Variants in GTSE1 observed in about 807,000 individuals in gnomAD.
GTSE1 encodes the protein G2 and S phase-expressed protein 1.
In GTSE1, 52 loss-of-function variants were observed where a neutral mutation model predicts 60.5. That is an observed-to-expected ratio of 0.86 (90% confidence interval 0.69 to 1.08). The LOEUF (loss-of-function observed/expected upper bound fraction) is 1.08, where lower values mean the gene tolerates loss of function less well. GTSE1 is among the 50% of genes least tolerant of loss of function. The pLI, the probability that GTSE1 is intolerant of heterozygous loss-of-function variation, is 0.00. For missense variants in GTSE1, 937 were observed against 961.8 expected, an observed-to-expected ratio of 0.97 and a Z score of 0.34; for synonymous variants, 368 against 386.5, an observed-to-expected ratio of 0.95 and a Z score of 0.56.
At chr22:46,308,055 C>T (rs531882729) in intron 2 of GTSE1, 95 bp from the exon 3 acceptor site, 12 of 838,784 alleles carry the variant, frequency 1.4e-5, no homozygotes, top group Middle Eastern at 5.2e-4. Context: ...TGAAATTTCA[C>T]AGTACCTTTA....
intron 2 of GTSE1, among the ~76,000 whole-genome samples, chr22:46,300,591 G>A (rs1341878823): frequency 6.6e-6 from 1 of 152,150 alleles, no homozygotes; most frequent in Non-Finnish European, 1.5e-5. Flanking sequence ...ACCTCTACAT[G>A]TCTCTCACCG....
At chr22:46,328,646 AT>A in intron 9 of GTSE1, 41 bp from the exon 10 acceptor site, 1 of 1,491,034 alleles carries the variant, frequency 6.7e-7, no homozygotes, top group Admixed American at 1.7e-5. Flanking sequence ...GTGAACGAGC[AT>A]TTTAGAGACA....
intron 4 of GTSE1, among the ~76,000 whole-genome samples, chr22:46,311,327 C>T (rs1158180488): frequency 2.6e-5 from 4 of 152,188 alleles, no homozygotes; most frequent in East Asian, 1.9e-4. Flanking sequence ...ATCTGCCCGC[C>T]TCGGCCTCAC....
At chr22:46,302,314 T>C (rs919927142) in intron 2 of GTSE1, among the ~76,000 whole-genome samples, 3 of 152,114 alleles carry the variant, frequency 2.0e-5, no homozygotes, top group Non-Finnish European at 4.4e-5. Flanking sequence ...GTTTAACTTA[T>C]TGTGATTTTT....
intron 2 of GTSE1, among the ~76,000 whole-genome samples, chr22:46,300,788 A>G (rs2077685199): frequency 6.6e-6 from 1 of 152,172 alleles, no homozygotes; most frequent in African/African-American, 2.4e-5. Flanking sequence ...CTGGTCCTGG[A>G]TTCTTTTTCC....
chr22:46,318,855 C>T lies in GTSE1; in HGVS notation c.1432+2443C>T, dbSNP rs1050148298. On this transcript the variant is annotated intron_variant, in intron 7 of 11. Coordinates refer to ENST00000454366, the MANE Select transcript of GTSE1 (RefSeq NM_016426.7). This position sits in a 1 kb window ranked among gnomAD's most constrained non-coding sequence, Gnocchi z 4.8. Reference sequence around the variant, plus strand: ...CCAGGCTTACTCCATCCTGTGCTGCCGTGATGAGCTTCTCATCCTCATGGT... The same window carrying T: ...CCAGGCTTACTCCATCCTGTGCTGCTGTGATGAGCTTCTCATCCTCATGGT... 1.3e-5 allele frequency among the ~76,000 whole-genome samples: 2 copies of T among 152,132 alleles called. No individual in the cohort carries two copies. The highest frequency in any genetic ancestry group is 2.4e-5 in the African/African-American group (1 of 41,432).
rs2077794830 is a variant in GTSE1 at position 46,318,714 on chromosome 22, G to A, written c.1432+2302G>A. Among the ~76,000 whole-genome samples the A allele has an allele frequency of 6.6e-6, 1 of 152,160 alleles. No homozygotes were observed. The highest frequency in any genetic ancestry group is 1.5e-5 in the Non-Finnish European group (1 of 68,022). On this transcript the variant is annotated intron_variant, in intron 7 of 11. Transcript: ENST00000454366. The surrounding 1 kb of genome is among the most constrained non-coding windows in gnomAD (Gnocchi z 4.8). ...GAGTGCAGAGGTCCTGGGGCAGGAA[G>A]GCGTGGGACGTGCTCTGGGAGCAGC...
intron 2 of GTSE1, among the ~76,000 whole-genome samples, chr22:46,305,449 A>T (rs2077710332): frequency 6.6e-6 from 1 of 152,010 alleles, no homozygotes; most frequent in Non-Finnish European, 1.5e-5. Context: ...CTCTACTAGA[A>T]ATACAAAAAA....
In GTSE1 at chr22:46,308,489, A is replaced by G. The variant is rs2077728291; in HGVS notation, c.308A>G (p.Lys103Arg). ...GGGGAGAAGTTCGTGGAGGTGTACA[A>G]AGAAGCTCACTTACTGGCTTTACAC... The part of the protein sequence containing the change: ...LAGEKFVEVY[K>R]EAHLLALHIE... The change falls in exon 4 of 12, where the codon AAA becomes AGA. Residue 103 changes from lysine to arginine, a missense_variant. By Grantham distance (26) the Lys-to-Arg change is conservative (BLOSUM62 2). Transcript: ENST00000454366. The G allele has an allele frequency of 6.2e-7, 1 of 1,614,206 alleles. No individual in the cohort carries two copies. The highest frequency in any genetic ancestry group is 8.5e-7 in the Non-Finnish European group (1 of 1,180,026).
intron 2 of GTSE1, among the ~76,000 whole-genome samples, chr22:46,306,649 T>A (rs2077717186): frequency 6.6e-6 from 1 of 151,922 alleles, no homozygotes; most frequent in Admixed American, 6.6e-5. Flanking sequence ...CTCGGCTAAT[T>A]TTTTTATTCT....
At chr22:46,299,485 C>T (rs1158370806) in intron 2 of GTSE1, among the ~76,000 whole-genome samples, 1 of 152,224 alleles carries the variant, frequency 6.6e-6, no homozygotes, top group Non-Finnish European at 1.5e-5. Flanking sequence ...TCTCATCACC[C>T]ATTTTATTTC....
chr22:46,323,255 G>T lies in GTSE1; in HGVS notation c.1498G>T (p.Val500Phe). The change falls in exon 8 of 12, where the codon GTT (valine) becomes TTT (phenylalanine). Residue 500 changes from valine (V) to phenylalanine (F), a missense_variant. By Grantham distance (50) the Val-to-Phe change is conservative (BLOSUM62 -1). Transcript: ENST00000454366. ...ACAGCGGCCGCAGTCGTGCACGTCA[G>T]TTGGCAGGTGAGTGACGTTGGTCCG... ...RAQRPQSCTS[V>F]GRVTVHSTPV... 6.2e-7 allele frequency: 1 copy of T among 1,612,268 alleles called. No individual in the cohort carries two copies. Among genetic ancestry groups the T allele is most frequent in the Non-Finnish European group, 8.5e-7 (1 of 1,178,250 alleles).
In GTSE1 at chr22:46,304,003, T is replaced by C. The variant is rs1236555710; in HGVS notation, c.80-4147T>C. The stretch of plus-strand genomic sequence containing the variant: ...TATAGTTTGAGTGAGAAATATACCT[T>C]TGTGGTTTTTGGTTTGTTTTGAGAC... On this transcript the variant is annotated intron_variant, in intron 2 of 11. Coordinates refer to ENST00000454366, the MANE Select transcript of GTSE1 (RefSeq NM_016426.7). The surrounding 1 kb of genome is among the most constrained non-coding windows in gnomAD (Gnocchi z 4.4). 6.6e-6 allele frequency among the ~76,000 whole-genome samples: 1 copy of C among 152,066 alleles called. No homozygotes were observed. The highest frequency in any genetic ancestry group is 2.4e-5 in the African/African-American group (1 of 41,398).
At chr22:46,323,356 T>C in intron 8 of GTSE1, 94 bp downstream of exon 8, 1 of 969,970 alleles carries the variant, frequency 1.0e-6, no homozygotes, top group Non-Finnish European at 1.7e-6. Context: ...CAGCCTGGCC[T>C]GCGCATCTGG....
intron 2 of GTSE1, among the ~76,000 whole-genome samples, chr22:46,306,912 A>G (rs2077718522): frequency 6.6e-6 from 1 of 152,216 alleles, no homozygotes; most frequent in Non-Finnish European, 1.5e-5. Context: ...TTAGCTGGAC[A>G]TTTGGGAATT....
At chr22:46,312,090 G>T in intron 4 of GTSE1, 51 bp from the exon 5 acceptor site, 1 of 1,485,432 alleles carries the variant, frequency 6.7e-7, no homozygotes, top group Non-Finnish European at 9.3e-7. Flanking sequence ...GAGTATCTCT[G>T]TACATTGTTA....
intron 2 of GTSE1, among the ~76,000 whole-genome samples, chr22:46,299,883 C>T (rs1277008316): frequency 6.7e-6 from 1 of 149,540 alleles, no homozygotes; most frequent in Non-Finnish European, 1.5e-5. Flanking sequence ...ACCTCCGCCT[C>T]TTGGGTTCAA....
intron 2 of GTSE1, among the ~76,000 whole-genome samples, chr22:46,306,849 C>G (rs1273313475): frequency 6.6e-6 from 1 of 152,168 alleles, no homozygotes; most frequent in Non-Finnish European, 1.5e-5. Flanking sequence ...CAGTATTGAG[C>G]AAATACTGTA....
At chr22:46,299,950 G>A (rs1349853456) in intron 2 of GTSE1, among the ~76,000 whole-genome samples, 9 of 141,792 alleles carry the variant, frequency 6.3e-5, no homozygotes, top group South Asian at 2.2e-4. Flanking sequence ...CCGCCACCAC[G>A]CCCAGCTAAT....
Sources: allele counts gnomAD v4.1 joint callset (sites outside exome capture counted in the v4.1 genomes callset), GRCh38; gene constraint gnomAD v4.1.1; non-coding constraint Gnocchi (gnomAD v3.1); transcripts MANE v1.5; gene names NCBI Gene and HGNC (gene_info 2026-07-23, HGNC 2026-07-21).